Variants in THRB observed in about 807,000 individuals in gnomAD.
The protein encoded by THRB is thyroid hormone receptor beta.
THRB carries 12 observed loss-of-function variants against 47.8 expected under a neutral mutation model. The observed-to-expected ratio is 0.25, with a 90% CI of 0.16 to 0.41. The LOEUF is 0.41. Ranked by LOEUF, THRB falls within the 10% of genes least tolerant of loss-of-function variation. THRB has a pLI of 1.00. For missense variants in THRB, 348 were observed against 589.2 expected, an observed-to-expected ratio of 0.59 and a Z score of 4.24; for synonymous variants, 218 against 212.2, an observed-to-expected ratio of 1.03 and a Z score of -0.24.
intron 3 of THRB, among the ~76,000 whole-genome samples, chr3:24,234,367 G>A (rs2048655337): frequency 6.6e-6 from 1 of 152,158 alleles, no homozygotes; most frequent in South Asian, 2.1e-4. Context: ...AAAGATATAA[G>A]TTGATGTAAA....
intron 7 of THRB, among the ~76,000 whole-genome samples, chr3:24,145,367 A>G (rs779772648): frequency 6.6e-6 from 1 of 152,138 alleles, no homozygotes. Flanking sequence ...AGGGCACTCA[A>G]AATTTATTTC....
chr3:24,250,623 C>G (rs1395410061), intron 3 of THRB, among the ~76,000 whole-genome samples: 1 of 152,144 alleles, frequency 6.6e-6, no homozygotes, highest in Non-Finnish European at 1.5e-5. Context: ...ATCCCTTGAG[C>G]CTTGGCGTTT....
At chr3:24,391,146 C>T (rs1245171856) in intron 1 of THRB, among the ~76,000 whole-genome samples, 1 of 152,120 alleles carries the variant, frequency 6.6e-6, no homozygotes, top group African/African-American at 2.4e-5. Flanking sequence ...AATATGGCTG[C>T]TCAGGGATGT....
At chr3:24,238,439 GAAAAA>G (rs2049140778) in intron 3 of THRB, among the ~76,000 whole-genome samples, 6 of 151,938 alleles carry the variant, frequency 3.9e-5, no homozygotes, top group Non-Finnish European at 7.4e-5. Context: ...ACACATGCAT[GAAAAA>G]CAACAAACAA....
At chr3:24,302,184 T>C (rs1179137520) in intron 2 of THRB, among the ~76,000 whole-genome samples, 1 of 152,264 alleles carries the variant, frequency 6.6e-6, no homozygotes, top group Admixed American at 6.5e-5. Context: ...TATTAGCAAG[T>C]AGGGCAACAA....
intron 5 of THRB, among the ~76,000 whole-genome samples, chr3:24,183,347 CTTCT>C (rs1312185802): frequency 6.2e-5 from 9 of 144,616 alleles, no homozygotes; most frequent in East Asian, 4.0e-4. Flanking sequence ...TTTTTCTTTT[CTTCT>C]TTTTCTTTTT....
chr3:24,442,165 T>A (rs1363180768), intron 1 of THRB, among the ~76,000 whole-genome samples: 2 of 152,230 alleles, frequency 1.3e-5, no homozygotes, highest in Admixed American at 6.5e-5. Context: ...GAGTTTTCCA[T>A]TCACAACTGT....
At chr3:24,357,917 G>A (rs1460801336) in intron 1 of THRB, among the ~76,000 whole-genome samples, 1 of 151,904 alleles carries the variant, frequency 6.6e-6, no homozygotes, top group Admixed American at 6.6e-5. Context: ...TTACTTCCTT[G>A]CCTTGCATTA....
intron 2 of THRB, among the ~76,000 whole-genome samples, chr3:24,331,679 T>TGG (rs941886221): frequency 2.7e-5 from 3 of 109,770 alleles, no homozygotes; most frequent in African/African-American, 1.4e-4. Context: ...CCTCCGTGTA[T>TGG]GGTGTGTGTG....
In THRB at chr3:24,122,770, T is replaced by A; in HGVS notation, c.*114A>T. On this transcript the variant is annotated 3_prime_UTR_variant, in exon 11 of 11. Coordinates refer to ENST00000646209, the MANE Select transcript of THRB (RefSeq NM_001354712.2). ...GTCTATGCCAAGGACTACTTCCCTT[T>A]TCCCTCCCAAATAATCCCTCCCAAC... 1 of 1,490,406 alleles carries A rather than the reference T, an allele frequency of 6.7e-7. No individual in the cohort carries two copies. The highest frequency in any genetic ancestry group is 9.3e-7 in the Non-Finnish European group (1 of 1,072,602). 92.3% of individuals were successfully genotyped at this position (1,490,406 alleles called of 1,614,324 possible).
At chr3:24,399,916 G>A (rs1279106732) in intron 1 of THRB, among the ~76,000 whole-genome samples, 3 of 152,048 alleles carry the variant, frequency 2.0e-5, no homozygotes, top group African/African-American at 4.8e-5. Flanking sequence ...AAGAAGGTAG[G>A]GGAGGACGTT....
At chr3:24,478,586 T>C (rs1044296811) in intron 1 of THRB, among the ~76,000 whole-genome samples, 1 of 139,248 alleles carries the variant, frequency 7.2e-6, no homozygotes, top group Non-Finnish European at 1.6e-5. Context: ...AAAAAAGAGA[T>C]AGAGGAAGAG....
At chr3:24,398,045 A>G (rs1164582161) in intron 1 of THRB, among the ~76,000 whole-genome samples, 2 of 152,174 alleles carry the variant, frequency 1.3e-5, no homozygotes, top group Non-Finnish European at 2.9e-5. Context: ...AGTATCTTCT[A>G]TCTTATACTA....
At chr3:24,490,512 T>C (rs1697978153) in intron 1 of THRB, among the ~76,000 whole-genome samples, 1 of 152,174 alleles carries the variant, frequency 6.6e-6, no homozygotes. Context: ...TGCTAGGCTA[T>C]GGGGAGTCAA....
At chr3:24,281,934 G>C (rs1428948467) in intron 3 of THRB, among the ~76,000 whole-genome samples, 7 of 149,102 alleles carry the variant, frequency 4.7e-5, no homozygotes, top group Admixed American at 2.0e-4. Flanking sequence ...GATTCATAAA[G>C]CAAGTCCTGA....
chr3:24,323,620 T>C (rs1380854276), intron 2 of THRB, among the ~76,000 whole-genome samples: 1 of 152,216 alleles, frequency 6.6e-6, no homozygotes, highest in African/African-American at 2.4e-5. Flanking sequence ...TCTAAGAAAC[T>C]TTCCATGTTC....
intron 5 of THRB, among the ~76,000 whole-genome samples, chr3:24,174,503 G>C (rs1179688850): frequency 6.6e-6 from 1 of 152,240 alleles, no homozygotes; most frequent in East Asian, 1.9e-4. Context: ...GATTTTAAAG[G>C]AGAATCTAAA....
At chr3:24,391,038 T>C (rs1254007826) in intron 1 of THRB, among the ~76,000 whole-genome samples, 1 of 151,864 alleles carries the variant, frequency 6.6e-6, no homozygotes, top group Non-Finnish European at 1.5e-5. Flanking sequence ...ACAGGCAGAG[T>C]GCAGGTGCAC....
intron 1 of THRB, among the ~76,000 whole-genome samples, chr3:24,364,737 T>G (rs973221051): frequency 2.6e-5 from 4 of 152,082 alleles, no homozygotes; most frequent in African/African-American, 9.7e-5. Context: ...ATTACAGGGA[T>G]AAAAATAAAC....
Sources: allele counts gnomAD v4.1 joint callset (sites outside exome capture counted in the v4.1 genomes callset), GRCh38; gene constraint gnomAD v4.1.1; transcripts MANE v1.5; gene names NCBI Gene and HGNC (gene_info 2026-07-23, HGNC 2026-07-21).